Variants in ZNF143 observed in about 807,000 individuals in gnomAD.
ZNF143 encodes the protein zinc finger protein 143.
A neutral mutation model predicts 74.1 loss-of-function variants in ZNF143; 49 were observed. The ratio of observed to expected loss-of-function variants is 0.66; its 90% CI spans 0.53 to 0.84. The LOEUF (loss-of-function observed/expected upper bound fraction) is 0.84, where lower values mean the gene tolerates loss of function less well. ZNF143 is among the 40% of genes least tolerant of loss of function. ZNF143 has a pLI of 0.00. For missense variants in ZNF143, 637 were observed against 793.4 expected (o/e 0.80, Z 2.37); for synonymous variants, 304 against 282.8 (o/e 1.07, Z -0.75).
chr11:9,464,598 CTCAATCAA>C (rs374529221), intron 1 of ZNF143, among the ~76,000 whole-genome samples: 11 of 151,548 alleles, frequency 7.3e-5, no homozygotes, highest in Admixed American at 1.3e-4. Flanking sequence ...AAGACCCTGT[CTCAATCAA>C]TCAATCAATC....
At chr11:9,474,681 G>C in intron 5 of ZNF143, 48 bp downstream of exon 5, 1 of 1,553,258 alleles carries the variant, frequency 6.4e-7, no homozygotes, top group Non-Finnish European at 8.9e-7. Context: ...AAGTGGGAGT[G>C]GTGGGGGAAA....
chr11:9,521,468 T>A (rs1848924109), intron 14 of ZNF143, among the ~76,000 whole-genome samples: 2 of 152,182 alleles, frequency 1.3e-5, no homozygotes, highest in Non-Finnish European at 2.9e-5. Flanking sequence ...TATTTTCTGA[T>A]AGTTGTGTAA....
intron 9 of ZNF143, among the ~76,000 whole-genome samples, chr11:9,496,639 C>T (rs1281451532): frequency 1.3e-5 from 2 of 151,762 alleles, no homozygotes; most frequent in African/African-American, 4.8e-5. Context: ...CTCTGTCACT[C>T]AGGTTTGGGT....
At chr11:9,526,542 T>C (rs1849134425) in intron 15 of ZNF143, among the ~76,000 whole-genome samples, 1 of 152,146 alleles carries the variant, frequency 6.6e-6, no homozygotes, top group Non-Finnish European at 1.5e-5. Flanking sequence ...GAAGCTCTCT[T>C]TTGTTGGCTG....
chr11:9,512,403 A>C (rs574246108), intron 12 of ZNF143, 45 bp from the exon 13 acceptor site: 3 of 1,590,582 alleles, frequency 1.9e-6, no homozygotes, highest in South Asian at 1.1e-5. Flanking sequence ...TTTTCTAAAC[A>C]AATTGGTTGG....
chr11:9,483,498 A>G (rs1277734337), intron 7 of ZNF143, among the ~76,000 whole-genome samples: 2 of 149,128 alleles, frequency 1.3e-5, no homozygotes, highest in African/African-American at 5.1e-5. Flanking sequence ...GGGTTTTACC[A>G]TGCTGGCCAG....
At chr11:9,462,743 C>T (rs1159508946) in intron 1 of ZNF143, among the ~76,000 whole-genome samples, 2 of 151,942 alleles carry the variant, frequency 1.3e-5, no homozygotes, top group Non-Finnish European at 2.9e-5. Context: ...GGTGTGGTGG[C>T]AGGCGCCTGT....
At chr11:9,462,589 T>G (rs1172617552) in intron 1 of ZNF143, among the ~76,000 whole-genome samples, 1 of 151,950 alleles carries the variant, frequency 6.6e-6, no homozygotes, top group Non-Finnish European at 1.5e-5. Flanking sequence ...TAGTTGAATT[T>G]TAGCCTGGGT....
chr11:9,478,348 AT>A, intron 5 of ZNF143, 41 bp from the exon 6 acceptor site: 1 of 1,586,806 alleles, frequency 6.3e-7, no homozygotes, highest in Non-Finnish European at 8.6e-7. Context: ...TATTTGTCAG[AT>A]TTTACCTTTA....
intron 8 of ZNF143, 132 bp from the exon 9 acceptor site, chr11:9,496,171 G>A (rs929623476): frequency 5.5e-6 from 4 of 727,024 alleles, no homozygotes; most frequent in Admixed American, 2.6e-5. Flanking sequence ...TTTTTGTGAA[G>A]TTATCTTTTT....
At chr11:9,484,884 A>G (rs1590549884) in intron 7 of ZNF143, among the ~76,000 whole-genome samples, 1 of 134,210 alleles carries the variant, frequency 7.5e-6, no homozygotes, top group Non-Finnish European at 1.5e-5. Flanking sequence ...TGCAAGCTCC[A>G]CCTCCCGGGT....
chr11:9,496,276 A>G, intron 8 of ZNF143, 27 bp from the exon 9 acceptor site: 2 of 1,609,972 alleles, frequency 1.2e-6, no homozygotes, highest in Non-Finnish European at 1.7e-6. Flanking sequence ...TAAAGGAAAT[A>G]GAATCATGCC....
intron 1 of ZNF143, among the ~76,000 whole-genome samples, chr11:9,465,999 T>C (rs1856189092): frequency 6.7e-6 from 1 of 149,828 alleles, no homozygotes; most frequent in South Asian, 2.1e-4. Context: ...TGGCTAATTT[T>C]TTTTTTTTTT....
In ZNF143 at chr11:9,508,619, G is replaced by T; in HGVS notation, c.1148G>T (p.Gly383Val). The T allele has an allele frequency of 6.2e-7, 1 of 1,609,378 alleles. No homozygotes were observed. The part of the protein sequence containing the change: ...NYKNHVRIHT[G>V]EKPYVCTVPG... Reference sequence around the variant, plus strand: ...ACTTTTTTTTGGTGTTGCTCTTTAGGAGAAAAGCCATATGTTTGTACAGTT... The same window carrying T: ...ACTTTTTTTTGGTGTTGCTCTTTAGTAGAAAAGCCATATGTTTGTACAGTT... Residue 383 changes from glycine to valine, a missense_variant and splice_region_variant, in exon 12 of 16, where the codon GGA becomes GTA. By Grantham distance (109) the Gly-to-Val change is moderately radical. This residue lies in a region of ZNF143 where 344 missense variants were observed against 485.6 expected (regional missense o/e 0.71). Transcript: ENST00000396602.
intron 14 of ZNF143, among the ~76,000 whole-genome samples, chr11:9,522,606 G>A (rs1421379494): frequency 1.3e-5 from 2 of 152,250 alleles, no homozygotes; most frequent in African/African-American, 2.4e-5. Flanking sequence ...CGATTCTCCT[G>A]CCTCAGCCTC....
intron 13 of ZNF143, among the ~76,000 whole-genome samples, chr11:9,514,259 G>GAA (rs2134194554): frequency 6.6e-6 from 1 of 152,168 alleles, no homozygotes; most frequent in East Asian, 1.9e-4. Context: ...CGACCATACA[G>GAA]AATAAGTCTT....
At chr11:9,491,250 A>C (rs1211753317) in intron 7 of ZNF143, among the ~76,000 whole-genome samples, 1 of 149,118 alleles carries the variant, frequency 6.7e-6, no homozygotes, top group Non-Finnish European at 1.5e-5. Context: ...GATACATTTT[A>C]CATACTTTTT....
chr11:9,517,283 T>C (rs1786387316), intron 14 of ZNF143, among the ~76,000 whole-genome samples: 1 of 152,178 alleles, frequency 6.6e-6, no homozygotes, highest in South Asian at 2.1e-4. Context: ...TATTTCATTA[T>C]ATAGAGAACT....
At chr11:9,482,737 A>G (rs556372051) in intron 7 of ZNF143, among the ~76,000 whole-genome samples, 13 of 150,970 alleles carry the variant, frequency 8.6e-5, no homozygotes, top group East Asian at 3.9e-4. Context: ...GCAATGTCCA[A>G]TACGGTTGCC....
Sources: allele counts gnomAD v4.1 joint callset (sites outside exome capture counted in the v4.1 genomes callset), GRCh38; gene constraint gnomAD v4.1.1; regional missense constraint gnomAD v4.1.1; transcripts MANE v1.5; gene names NCBI Gene and HGNC (gene_info 2026-07-23, HGNC 2026-07-21).